The following GAS7 variants were observed in gnomAD, a reference collection of about 807,000 sequenced individuals.
GAS7 encodes the protein growth arrest-specific protein 7.
GAS7 carries 28 observed loss-of-function variants against 71.1 expected under a neutral mutation model. That is an observed-to-expected ratio of 0.39 (90% CI 0.29 to 0.54). The LOEUF (loss-of-function observed/expected upper bound fraction) is 0.54, where lower values mean the gene tolerates loss of function less well. Ranked by LOEUF, GAS7 falls within the 20% of genes least tolerant of loss-of-function variation. The pLI, the probability that GAS7 is intolerant of heterozygous loss-of-function variation, is 0.62. For synonymous variants in GAS7, 258 were observed against 245.8 expected, an observed-to-expected ratio of 1.05 and a Z score of -0.46; for missense variants, 436 against 627.8, an observed-to-expected ratio of 0.69 and a Z score of 3.27.
chr17:10,005,004 C>T (rs1439662375), intron 2 of GAS7, among the ~76,000 whole-genome samples: 1 of 149,614 alleles, frequency 6.7e-6, no homozygotes, highest in East Asian at 2.0e-4. Flanking sequence ...AGCAGGACTT[C>T]ATCTCTCTCT....
intron 1 of GAS7, among the ~76,000 whole-genome samples, chr17:10,185,098 G>A (rs879347764): frequency 1.3e-5 from 2 of 152,068 alleles, no homozygotes; most frequent in Non-Finnish European, 2.9e-5. Flanking sequence ...GCTCATTTGT[G>A]TATTTTTAGT....
rs755125497 is a variant in GAS7 at position 9,911,683 on chromosome 17, G to A, written c.*5545C>T. The A allele has an allele frequency of 3.4e-5, 8 of 232,518 alleles. No homozygotes were observed. The highest frequency in any genetic ancestry group is 1.8e-4 in the South Asian group (1 of 5,512). 14.4% of individuals were successfully genotyped at this position (232,518 alleles called of 1,614,324 possible). A position where few individuals can be genotyped will look rare whatever the true frequency, so the allele number is the denominator to read the frequency against. On this transcript the variant is annotated 3_prime_UTR_variant, in exon 14 of 14. Transcript: ENST00000432992. The surrounding 1 kb of genome is among the most constrained non-coding windows in gnomAD (Gnocchi z 4.0). ...TGAGGGGGAGACAAGAGTCCTCCCC[G>A]GCAAATTTCAACCCAGCAGAGTCCT...
chr17:9,951,877 C>T (rs1452372005), intron 5 of GAS7, among the ~76,000 whole-genome samples: 1 of 151,854 alleles, frequency 6.6e-6, no homozygotes, highest in Non-Finnish European at 1.5e-5. Context: ...AGTCTTGTTC[C>T]CCCCAGAATC....
In GAS7 at chr17:10,158,545, T is replaced by C. The variant is rs186975959; in HGVS notation, c.183+39663A>G. Among the ~76,000 whole-genome samples the C allele has an allele frequency of 1.8e-4, 28 of 152,154 alleles. No individual in the cohort carries two copies. The East Asian group carries it at 5.5e-3, about 30-fold the overall frequency. ...GTATGTAAGTTAATGCTCTGTATAC[T>C]GAACTCCTTAGAATGAAGTATACTG... On this transcript the variant is annotated intron_variant, in intron 1 of 13. Transcript: ENST00000432992.
chr17:10,151,278 T>G (rs145830210), intron 1 of GAS7, among the ~76,000 whole-genome samples: 2 of 152,250 alleles, frequency 1.3e-5, no homozygotes, highest in African/African-American at 4.8e-5. Context: ...TAGCTGGGAC[T>G]ATAGGCACAG....
chr17:10,160,471 G>A (rs2074244329), intron 1 of GAS7, among the ~76,000 whole-genome samples: 1 of 152,076 alleles, frequency 6.6e-6, no homozygotes, highest in Non-Finnish European at 1.5e-5. Flanking sequence ...GTTGAGAGCT[G>A]AGGCTGAGAA....
At chr17:9,945,691 C>T (rs150423681) in intron 6 of GAS7, among the ~76,000 whole-genome samples, 1 of 151,708 alleles carries the variant, frequency 6.6e-6, no homozygotes, top group Non-Finnish European at 1.5e-5. Flanking sequence ...GATAATCCGG[C>T]TGGGCACGAT....
Position 9,916,388 on chromosome 17 carries a change from C to G in GAS7, c.*840G>C, listed in dbSNP as rs970575916. ...TCCATCCCTGAAGCCTTTGGACGAG[C>G]TGGATGAGGTCTTGATAACTGAGAA... is the stretch of plus-strand genomic sequence containing the variant. On this transcript the variant is annotated 3_prime_UTR_variant, in exon 14 of 14. Coordinates refer to ENST00000432992, the MANE Select transcript of GAS7 (RefSeq NM_201433.2). 1 of 233,154 alleles carries G rather than the reference C, an allele frequency of 4.3e-6. No individual in the cohort carries two copies. Among genetic ancestry groups the G allele is most frequent in the African/African-American group, 2.2e-5 (1 of 45,310 alleles). The allele number at this position is 233,154 out of a possible 1,614,324, so 14.4% of individuals were successfully genotyped here. A position where few individuals can be genotyped will look rare whatever the true frequency, so the allele number is the denominator to read the frequency against.
In GAS7 at chr17:10,103,810, A is replaced by T. The variant is rs1335443568; in HGVS notation, c.184-83913T>A. The stretch of plus-strand genomic sequence containing the variant: ...CATTGCACTCCAGCCTGGGTGACAC[A>T]GCAAGACTGCATCTCAAAAAATCTC... On this transcript the variant is annotated intron_variant, in intron 1 of 13. Coordinates refer to ENST00000432992, the MANE Select transcript of GAS7 (RefSeq NM_201433.2). This position sits in a 1 kb window ranked among gnomAD's most constrained non-coding sequence, Gnocchi z 5.5. Among the ~76,000 whole-genome samples the T allele has an allele frequency of 2.6e-5, 4 of 151,546 alleles. No homozygotes were observed. Among genetic ancestry groups the T allele is most frequent in the Non-Finnish European group, 5.9e-5 (4 of 67,898 alleles).
intron 1 of GAS7, among the ~76,000 whole-genome samples, chr17:10,102,648 A>G (rs959424590): frequency 1.3e-5 from 2 of 152,156 alleles, no homozygotes; most frequent in Non-Finnish European, 2.9e-5. Flanking sequence ...AGCCTGGATG[A>G]GCATCTGAAT....
rs115136008 is a variant in GAS7, at chr17:10,197,542, G to A, written c.183+666C>T. On this transcript the variant is annotated intron_variant, in intron 1 of 13. Transcript: ENST00000432992. Reference sequence around the variant, plus strand: ...CCTCAGCAGGTCCTGTGCAGCCCTGGGGCCAGGCCAGAACCCCAGGAACAA... The same window carrying A: ...CCTCAGCAGGTCCTGTGCAGCCCTGAGGCCAGGCCAGAACCCCAGGAACAA... Among the ~76,000 whole-genome samples, 170 of 152,310 alleles carry A rather than the reference G, an allele frequency of 1.1e-3. 1 individual carries two copies. Among genetic ancestry groups the A allele is most frequent in the African/African-American group, 3.9e-3 (162 of 41,568 alleles).
intron 1 of GAS7, among the ~76,000 whole-genome samples, chr17:10,135,977 A>G (rs530925201): frequency 6.6e-6 from 1 of 152,316 alleles, no homozygotes; most frequent in South Asian, 2.1e-4. Context: ...GAACAAGAGC[A>G]TGACTTAGCG....
In GAS7 at chr17:9,926,321, G is replaced by A. The variant is rs180884107; in HGVS notation, c.1014+320C>T. ...GTGAGGCTTAAACACGGGGCCCCAC[G>A]TGAACCAGCAGCAGCACTGCTAGGC... On this transcript the variant is annotated intron_variant, in intron 10 of 13. Coordinates refer to ENST00000432992, the MANE Select transcript of GAS7 (RefSeq NM_201433.2). The surrounding 1 kb of genome is among the most constrained non-coding windows in gnomAD (Gnocchi z 5.0). Among the ~76,000 whole-genome samples, 250 of 152,254 alleles carry A rather than the reference G, an allele frequency of 1.6e-3. 1 individual carries two copies. The highest frequency in any genetic ancestry group is 5.8e-3 in the African/African-American group (241 of 41,544).
intron 1 of GAS7, among the ~76,000 whole-genome samples, chr17:10,197,878 C>G (rs2074552054): frequency 6.6e-6 from 1 of 152,234 alleles, no homozygotes; most frequent in Non-Finnish European, 1.5e-5. Flanking sequence ...GACCCTTCAC[C>G]GGCCCCTGCC....
chr17:9,917,665 A>G (rs1239407166), intron 13 of GAS7, among the ~76,000 whole-genome samples: 1 of 152,240 alleles, frequency 6.6e-6, no homozygotes, highest in East Asian at 1.9e-4. Flanking sequence ...AGCTTTAGGT[A>G]TTGTGAATAT....
rs562647221 is a variant in GAS7, at chr17:9,985,355, C to T, written c.305-3471G>A. ...TGGCAAAGTGCTCCAGGATCCCAAC[C>T]CTGACTGCATCCAGACTGACATCCC... On this transcript the variant is annotated intron_variant, in intron 2 of 13. Transcript: ENST00000432992. Among the ~76,000 whole-genome samples, 5 of 152,316 alleles carry T rather than the reference C, an allele frequency of 3.3e-5. No individual in the cohort carries two copies. The East Asian group carries it at 9.7e-4, about 29-fold the overall frequency.
At chr17:9,971,924 C>T (rs890046777) in intron 3 of GAS7, among the ~76,000 whole-genome samples, 1 of 152,210 alleles carries the variant, frequency 6.6e-6, no homozygotes, top group African/African-American at 2.4e-5. Context: ...GAACCCGTCT[C>T]CTGCTCAGGT....
At chr17:9,983,087 A>G (rs913755370) in intron 2 of GAS7, among the ~76,000 whole-genome samples, 6 of 151,890 alleles carry the variant, frequency 4.0e-5, no homozygotes, top group Admixed American at 3.9e-4. Flanking sequence ...CATCACCATC[A>G]ACATTTTGGT....
intron 1 of GAS7, among the ~76,000 whole-genome samples, chr17:10,051,962 C>T (rs1309522173): frequency 2.6e-5 from 4 of 152,110 alleles, no homozygotes; most frequent in African/African-American, 9.7e-5. Context: ...CTACTGTGGA[C>T]CAGTAACTTG....
Sources: allele counts gnomAD v4.1 joint callset (sites outside exome capture counted in the v4.1 genomes callset), GRCh38; gene constraint gnomAD v4.1.1; non-coding constraint Gnocchi (gnomAD v3.1); transcripts MANE v1.5; gene names NCBI Gene and HGNC (gene_info 2026-07-23, HGNC 2026-07-21).